WIPF2: variants seen among roughly 807,000 people sequenced by gnomAD.
WIPF2 encodes WAS/WASL-interacting protein family member 2.
Under a neutral mutation model 38.8 loss-of-function variants are expected in WIPF2, and 23 were observed. The observed-to-expected ratio is 0.59, with a 90% confidence interval of 0.43 to 0.84. The LOEUF (loss-of-function observed/expected upper bound fraction) is 0.84. Among genes scored for constraint, WIPF2 ranks in the 40% least tolerant of loss-of-function variants. The pLI is 0.00. For synonymous variants in WIPF2, 210 were observed against 223.2 expected, an observed-to-expected ratio of 0.94 and a Z score of 0.53; for missense variants, 574 against 580.5, an observed-to-expected ratio of 0.99 and a Z score of 0.11.
At chr17:40,233,372 A>C (rs1424041969) in intron 1 of WIPF2, among the ~76,000 whole-genome samples, 2 of 152,192 alleles carry the variant, frequency 1.3e-5, no homozygotes, top group Non-Finnish European at 2.9e-5. Flanking sequence ...TACAAGGCTT[A>C]TAATTAGAAA....
At chr17:40,253,768 A>G (rs1382059057) in intron 1 of WIPF2, among the ~76,000 whole-genome samples, 2 of 152,202 alleles carry the variant, frequency 1.3e-5, no homozygotes, top group Admixed American at 6.5e-5. Context: ...TTGGGCAGCC[A>G]GCCTATAGTG....
intron 5 of WIPF2, among the ~76,000 whole-genome samples, chr17:40,272,808 G>A (rs1407366782): frequency 6.6e-6 from 1 of 152,180 alleles, no homozygotes; most frequent in East Asian, 1.9e-4. Context: ...CCCAGAAGGA[G>A]GAACTGCTCT....
intron 1 of WIPF2, among the ~76,000 whole-genome samples, chr17:40,228,024 T>G (rs2030571130): frequency 7.9e-6 from 1 of 126,594 alleles, no homozygotes; most frequent in African/African-American, 3.1e-5. Context: ...TTTTTTTTTT[T>G]TTTTTTTTTG....
At chr17:40,260,701 A>G in intron 3 of WIPF2, 34 bp downstream of exon 3, 1 of 1,613,258 alleles carries the variant, frequency 6.2e-7, no homozygotes, top group Non-Finnish European at 8.5e-7. Flanking sequence ...GTGAACTGGC[A>G]GGATCCCAGG....
chr17:40,277,023 C>G, intron 6 of WIPF2, 60 bp from the exon 7 acceptor site: 1 of 1,436,712 alleles, frequency 7.0e-7, no homozygotes, highest in Non-Finnish European at 9.7e-7. Context: ...TCGAAGCGAT[C>G]AGAGGCCTGT....
chr17:40,225,120 G>A (rs1170143802), intron 1 of WIPF2, among the ~76,000 whole-genome samples: 1 of 152,016 alleles, frequency 6.6e-6, no homozygotes, highest in Non-Finnish European at 1.5e-5. Context: ...ATGTTCTTGC[G>A]GTCCTTTATC....
chr17:40,275,859 G>A (rs1440331790), intron 6 of WIPF2, among the ~76,000 whole-genome samples: 2 of 152,158 alleles, frequency 1.3e-5, no homozygotes, highest in Non-Finnish European at 2.9e-5. Flanking sequence ...GAGCCACCAT[G>A]CCCAGCTTCT....
intron 1 of WIPF2, among the ~76,000 whole-genome samples, chr17:40,228,844 G>A (rs1364872739): frequency 1.3e-5 from 2 of 151,396 alleles, no homozygotes; most frequent in Non-Finnish European, 2.9e-5. Context: ...TCTTGAACTC[G>A]GGCTTAAGCA....
chr17:40,225,906 T>TTATA (rs1368981787), intron 1 of WIPF2, among the ~76,000 whole-genome samples: 1 of 152,132 alleles, frequency 6.6e-6, no homozygotes, highest in Non-Finnish European at 1.5e-5. Flanking sequence ...AGTGCTGGGA[T>TTATA]TATAGGTGTG....
intron 1 of WIPF2, among the ~76,000 whole-genome samples, chr17:40,242,092 A>G (rs2145321379): frequency 1.3e-5 from 2 of 152,324 alleles, no homozygotes; most frequent in South Asian, 4.1e-4. Flanking sequence ...CTCTATAGAA[A>G]TAGCTGTAAT....
At position 40,281,496 on chromosome 17, in the gene WIPF2, G is replaced by T. The variant is rs1184678558; in HGVS notation, c.*3271G>T. ...TTCACAGCGTAGGCCAACAGAGTGAGAACCTAGGGCTACCCTAGCTGATGG... is the reference window on the plus strand; with the variant it reads ...TTCACAGCGTAGGCCAACAGAGTGATAACCTAGGGCTACCCTAGCTGATGG... On this transcript the variant is annotated 3_prime_UTR_variant, in exon 8 of 8. Coordinates refer to ENST00000323571, the MANE Select transcript of WIPF2 (RefSeq NM_133264.5). 1 of 152,178 alleles carries T rather than the reference G, an allele frequency of 6.6e-6. No individual in the cohort carries two copies. Among genetic ancestry groups the T allele is most frequent in the East Asian group, 1.9e-4 (1 of 5,184 alleles). 9.4% of individuals were successfully genotyped at this position (152,178 alleles called of 1,614,324 possible).
chr17:40,265,708 G>A (rs960031183), intron 5 of WIPF2, among the ~76,000 whole-genome samples: 2 of 152,188 alleles, frequency 1.3e-5, no homozygotes, highest in Non-Finnish European at 2.9e-5. Context: ...AGCTGCAGGG[G>A]AGAGCGCACT....
At chr17:40,220,573 G>GTGTGTGTA (rs1431477384) in intron 1 of WIPF2, 35 of 77,084 alleles carry the variant, frequency 4.5e-4, no homozygotes, top group African/African-American at 1.6e-3. Context: ...GTGTGTGTGT[G>GTGTGTGTA]TATATATATA....
intron 5 of WIPF2, among the ~76,000 whole-genome samples, chr17:40,267,427 G>A (rs2032121252): frequency 6.6e-6 from 1 of 152,302 alleles, no homozygotes; most frequent in South Asian, 2.1e-4. Context: ...GAGGGAGACC[G>A]TGACAGCTCT....
intron 6 of WIPF2, among the ~76,000 whole-genome samples, chr17:40,275,171 G>T (rs1048394395): frequency 1.3e-5 from 2 of 149,682 alleles, no homozygotes; most frequent in African/African-American, 4.9e-5. Flanking sequence ...AACCCAGGAG[G>T]TGGAGGTTGC....
At chr17:40,234,308 A>G (rs977982717) in intron 1 of WIPF2, among the ~76,000 whole-genome samples, 4 of 151,990 alleles carry the variant, frequency 2.6e-5, no homozygotes, top group Non-Finnish European at 4.4e-5. Flanking sequence ...GCATGCCTGT[A>G]GTCCCAGCTA....
chr17:40,269,225 C>CG (rs1322918321), intron 5 of WIPF2, among the ~76,000 whole-genome samples: 1 of 151,980 alleles, frequency 6.6e-6, no homozygotes. Context: ...GAGGCTGAGA[C>CG]GGGAGAATCG....
At chr17:40,272,734 G>A (rs972598304) in intron 5 of WIPF2, among the ~76,000 whole-genome samples, 1 of 152,100 alleles carries the variant, frequency 6.6e-6, no homozygotes, top group African/African-American at 2.4e-5. Flanking sequence ...CATATAATTT[G>A]GTTTATTCAG....
At chr17:40,220,573 G>GTGTA (rs1431477384) in intron 1 of WIPF2, 59 of 77,078 alleles carry the variant, frequency 7.7e-4, no homozygotes, top group African/African-American at 1.5e-3. Context: ...GTGTGTGTGT[G>GTGTA]TATATATATA....
Sources: gnomAD v4.1 joint callset for allele counts (sites outside exome capture counted in the v4.1 genomes callset) on GRCh38, gnomAD v4.1.1 for gene constraint, MANE v1.5 for transcripts, NCBI Gene and HGNC (gene_info 2026-07-23, HGNC 2026-07-21) for gene names.